The following RAB5A variants were observed in gnomAD, a reference collection of about 807,000 sequenced individuals.
The protein encoded by RAB5A is RAB5A, member RAS oncogene family.
RAB5A carries 8 observed loss-of-function variants against 25.7 expected under a neutral mutation model. The ratio of observed to expected loss-of-function variants is 0.31; its 90% CI spans 0.18 to 0.56. RAB5A has a LOEUF of 0.56. Ranked by LOEUF, RAB5A falls within the 20% of genes least tolerant of loss-of-function variation. The pLI is 0.91. For missense variants in RAB5A, 192 were observed against 259.7 expected (o/e 0.74, Z 1.79); for synonymous variants, 98 against 89.8 (o/e 1.09, Z -0.52).
intron 2 of RAB5A, among the ~76,000 whole-genome samples, chr3:19,962,597 A>G (rs1696602822): frequency 1.3e-5 from 2 of 152,040 alleles, no homozygotes; most frequent in Admixed American, 1.3e-4. Flanking sequence ...CTGCCGTAAG[A>G]CCTATCTATA....
At chr3:19,973,923 G>A (rs1192851830) in intron 2 of RAB5A, among the ~76,000 whole-genome samples, 1 of 152,110 alleles carries the variant, frequency 6.6e-6, no homozygotes, top group African/African-American at 2.4e-5. Context: ...TAGATAAACG[G>A]CTGTAATTTA....
In RAB5A at chr3:19,961,804, A is replaced by G. The variant is rs79467214; in HGVS notation, c.163+10743A>G. ...CAAAGTTACTACTATACTCAAATCT[A>G]TATATTCTTGTCTCCCTTTTTACAA... On this transcript the variant is annotated intron_variant, in intron 2 of 5. Coordinates refer to ENST00000273047, the MANE Select transcript of RAB5A (RefSeq NM_004162.5). 4.6e-3 allele frequency among the ~76,000 whole-genome samples: 701 copies of G among 152,322 alleles called. 3 individuals carry two copies. The highest frequency in any genetic ancestry group is 0.015 in the African/African-American group (643 of 41,584).
At chr3:19,975,509 A>G in intron 2 of RAB5A, 92 bp from the exon 3 acceptor site, 1 of 1,247,302 alleles carries the variant, frequency 8.0e-7, no homozygotes, top group Non-Finnish European at 1.1e-6. Flanking sequence ...GTACAGTGTG[A>G]CATTTTGATA....
At chr3:19,954,120 T>C (rs992362212) in intron 2 of RAB5A, among the ~76,000 whole-genome samples, 1 of 152,260 alleles carries the variant, frequency 6.6e-6, no homozygotes, top group South Asian at 2.1e-4. Flanking sequence ...GTTCAGGCAG[T>C]TCTCCTGCCT....
chr3:19,973,906 A>G (rs1696786244), intron 2 of RAB5A, among the ~76,000 whole-genome samples: 2 of 152,296 alleles, frequency 1.3e-5, no homozygotes. Flanking sequence ...ATCTCTATCA[A>G]CGTCACTAGA....
chr3:19,948,203 C>T (rs924278411), intron 1 of RAB5A, among the ~76,000 whole-genome samples: 1 of 152,212 alleles, frequency 6.6e-6, no homozygotes, highest in Non-Finnish European at 1.5e-5. Flanking sequence ...CTGGAAGCTG[C>T]TTACCTCTGA....
intron 1 of RAB5A, among the ~76,000 whole-genome samples, chr3:19,950,569 C>T (rs1410598442): frequency 6.6e-6 from 1 of 151,992 alleles, no homozygotes; most frequent in Admixed American, 6.6e-5. Context: ...AAGTTAAGTA[C>T]TTAAAGCACT....
intron 2 of RAB5A, among the ~76,000 whole-genome samples, chr3:19,966,160 C>T (rs1696659399): frequency 6.6e-6 from 1 of 152,014 alleles, no homozygotes. Context: ...CTTTATCTTC[C>T]CTAGCTGAAA....
Position 19,978,119 on chromosome 3 carries a change from C to G in RAB5A, c.439-191C>G, listed in dbSNP as rs528801635. Among the ~76,000 whole-genome samples the G allele has an allele frequency of 2.6e-5, 4 of 152,196 alleles. No individual in the cohort carries two copies. The East Asian group carries it at 7.7e-4, about 29-fold the overall frequency. Reference sequence around the variant, plus strand: ...AATTTCAGACAAAAAAGGAAATAGTCCATTATAAAATTATCTTGCACAGTG... The same window carrying G: ...AATTTCAGACAAAAAAGGAAATAGTGCATTATAAAATTATCTTGCACAGTG... On this transcript the variant is annotated intron_variant, in intron 4 of 5. Transcript: ENST00000273047.
chr3:19,976,822 CAT>C (rs1480026389), intron 4 of RAB5A, among the ~76,000 whole-genome samples: 1 of 152,188 alleles, frequency 6.6e-6, no homozygotes, highest in Non-Finnish European at 1.5e-5. Flanking sequence ...TGTATCAGCA[CAT>C]GTGTGTACCC....
chr3:19,971,593 T>G (rs2125189459), intron 2 of RAB5A, among the ~76,000 whole-genome samples: 1 of 152,228 alleles, frequency 6.6e-6, no homozygotes, highest in African/African-American at 2.4e-5. Flanking sequence ...TGCCTCAGCC[T>G]TCCGAGTAGC....
chr3:19,973,848 T>C (rs1022062041), intron 2 of RAB5A, among the ~76,000 whole-genome samples: 4 of 152,208 alleles, frequency 2.6e-5, no homozygotes, highest in African/African-American at 9.6e-5. Context: ...AAAAGAGATA[T>C]ATCTCATTAG....
intron 2 of RAB5A, among the ~76,000 whole-genome samples, chr3:19,971,070 A>G (rs574537096): frequency 6.0e-4 from 91 of 151,826 alleles, no homozygotes; most frequent in African/African-American, 2.2e-3. Context: ...GGTGGTGGCC[A>G]CCTGTAATCC....
chr3:19,963,670 G>C (rs1025350378), intron 2 of RAB5A, among the ~76,000 whole-genome samples: 1 of 152,004 alleles, frequency 6.6e-6, no homozygotes, highest in Non-Finnish European at 1.5e-5. Context: ...TGAGAGACAA[G>C]GTCTTCCTCT....
chr3:19,981,042 AC>A (rs1696916087), intron 5 of RAB5A, among the ~76,000 whole-genome samples: 1 of 152,206 alleles, frequency 6.6e-6, no homozygotes, highest in Non-Finnish European at 1.5e-5. Context: ...TTAGAGTCTT[AC>A]CATAGTGGTC....
chr3:19,982,935 G>C (rs1396532533), intron 5 of RAB5A, among the ~76,000 whole-genome samples: 3 of 152,152 alleles, frequency 2.0e-5, no homozygotes, highest in African/African-American at 7.2e-5. Context: ...ATCCTGACTT[G>C]TTCTAAAAAA....
intron 2 of RAB5A, among the ~76,000 whole-genome samples, chr3:19,961,063 C>G (rs1415130858): frequency 1.3e-5 from 2 of 152,150 alleles, no homozygotes; most frequent in African/African-American, 4.8e-5. Context: ...ATTTTCTCCT[C>G]TATTGCATTC....
chr3:19,950,762 G>A (rs1696410481), intron 1 of RAB5A, 44 bp from the exon 2 acceptor site: 3 of 801,124 alleles, frequency 3.7e-6, no homozygotes, highest in Non-Finnish European at 5.7e-6. Flanking sequence ...TAGTAAATTT[G>A]CTTTACTGAT....
intron 2 of RAB5A, among the ~76,000 whole-genome samples, chr3:19,964,100 TAAG>T (rs995378692): frequency 3.3e-5 from 5 of 152,204 alleles, no homozygotes; most frequent in African/African-American, 9.7e-5. Context: ...GGGGTATCAC[TAAG>T]AAGAAGGGAA....
Sources: gnomAD v4.1 joint callset for allele counts (sites outside exome capture counted in the v4.1 genomes callset) on GRCh38, gnomAD v4.1.1 for gene constraint, MANE v1.5 for transcripts, NCBI Gene and HGNC (gene_info 2026-07-23, HGNC 2026-07-21) for gene names.